Variants in VAV3 observed in about 807,000 individuals in gnomAD.
VAV3 encodes guanine nucleotide exchange factor VAV3.
In VAV3, 94 loss-of-function variants were observed where a neutral mutation model predicts 131.2. The ratio of observed to expected loss-of-function variants is 0.72; its 90% CI spans 0.61 to 0.85. The LOEUF is 0.85. VAV3 is among the 40% of genes least tolerant of loss of function. The pLI is 0.00. For synonymous variants in VAV3, 349 were observed against 342.0 expected, an observed-to-expected ratio of 1.02 and a Z score of -0.22; for missense variants, 939 against 1,002.7, an observed-to-expected ratio of 0.94 and a Z score of 0.86.
chr1:107,845,869 C>T (rs1247340280), intron 2 of VAV3, among the ~76,000 whole-genome samples: 2 of 152,142 alleles, frequency 1.3e-5, no homozygotes, highest in Non-Finnish European at 2.9e-5. Context: ...AAGTTCAAAA[C>T]CACACTTCAG....
chr1:107,922,727 C>T (rs1024801540), intron 1 of VAV3, among the ~76,000 whole-genome samples: 7 of 150,780 alleles, frequency 4.6e-5, no homozygotes, highest in African/African-American at 1.2e-4. Context: ...CAGAGGCGGG[C>T]GGATCATGAG....
intron 1 of VAV3, among the ~76,000 whole-genome samples, chr1:107,916,589 T>C (rs1672629748): frequency 6.6e-6 from 1 of 152,054 alleles, no homozygotes; most frequent in South Asian, 2.1e-4. Context: ...AGGGAAAAAA[T>C]TTTACAGGAG....
rs1384253314 is a variant in VAV3 at position 107,573,381 on chromosome 1, G to C, written c.2503-9C>G. The C allele has an allele frequency of 4.3e-6, 7 of 1,613,968 alleles. No homozygotes were observed. The East Asian group carries it at 1.1e-4, about 26-fold the overall frequency. ...GATGGAAACCAGCCCACCTAAAAAA[G>C]AAAAGCAACCAACACAGCAACATGA... On this transcript the variant is annotated splice_polypyrimidine_tract_variant and intron_variant, in intron 26 of 26. Coordinates refer to ENST00000370056, the MANE Select transcript of VAV3 (RefSeq NM_006113.5).
At chr1:107,589,819 T>C (rs917962710) in intron 25 of VAV3, among the ~76,000 whole-genome samples, 6 of 152,180 alleles carry the variant, frequency 3.9e-5, no homozygotes, top group African/African-American at 1.4e-4. Context: ...GTTAGGAACC[T>C]GTACGAAGGA....
chr1:107,716,338 C>A (rs1042141457), intron 15 of VAV3, among the ~76,000 whole-genome samples: 1 of 152,128 alleles, frequency 6.6e-6, no homozygotes, highest in Non-Finnish European at 1.5e-5. Context: ...TTTAAAAGTG[C>A]TTTGGTGGGC....
At chr1:107,902,826 A>T (rs1227298797) in intron 1 of VAV3, among the ~76,000 whole-genome samples, 4 of 152,214 alleles carry the variant, frequency 2.6e-5, no homozygotes, top group Admixed American at 6.5e-5. Flanking sequence ...CTCTTGATAT[A>T]AGGCAACTCA....
intron 17 of VAV3, among the ~76,000 whole-genome samples, chr1:107,700,378 T>C (rs764771081): frequency 5.3e-5 from 8 of 152,220 alleles, no homozygotes; most frequent in Non-Finnish European, 1.2e-4. Flanking sequence ...GCCATGGTGG[T>C]TTGCTGCACC....
intron 1 of VAV3, among the ~76,000 whole-genome samples, chr1:107,937,222 C>T (rs932401240): frequency 2.0e-5 from 3 of 152,142 alleles, no homozygotes; most frequent in African/African-American, 7.2e-5. Context: ...TATTTAAATT[C>T]AAAACACCAC....
Position 107,707,184 on chromosome 1 carries a change from A to T in VAV3, c.1503-2123T>A, listed in dbSNP as rs941871033. 2.0e-5 allele frequency among the ~76,000 whole-genome samples: 3 copies of T among 152,356 alleles called. No individual in the cohort carries two copies. In the South Asian group the frequency reaches 6.2e-4, roughly 32 times the overall value. On this transcript the variant is annotated intron_variant, in intron 15 of 26. Transcript: ENST00000370056. ...AAAGAAACTATTAGAATTATTTGAAAACTAAAATGGTAAATTATTTTTAAA... is the reference window on the plus strand; with the variant it reads ...AAAGAAACTATTAGAATTATTTGAATACTAAAATGGTAAATTATTTTTAAA...
chr1:107,714,888 T>C (rs1446239117), intron 15 of VAV3, among the ~76,000 whole-genome samples: 3 of 152,168 alleles, frequency 2.0e-5, no homozygotes, highest in Non-Finnish European at 2.9e-5. Context: ...TACTATATAT[T>C]ACACTTCTTT....
intron 2 of VAV3, among the ~76,000 whole-genome samples, chr1:107,810,815 T>C (rs1211365617): frequency 1.3e-5 from 2 of 149,622 alleles, no homozygotes; most frequent in South Asian, 2.1e-4. Flanking sequence ...AGCAGAAAAA[T>C]GGGTGAAAAA....
At chr1:107,652,483 G>C (rs780466601) in intron 19 of VAV3, among the ~76,000 whole-genome samples, 1 of 152,026 alleles carries the variant, frequency 6.6e-6, no homozygotes, top group African/African-American at 2.4e-5. Context: ...ATTAGTTCTT[G>C]TGCAAGATCC....
intron 1 of VAV3, among the ~76,000 whole-genome samples, chr1:107,904,198 CCCTT>C (rs1671997847): frequency 1.3e-5 from 2 of 152,008 alleles, no homozygotes; most frequent in South Asian, 2.1e-4. Context: ...AGAAAAGGCA[CCCTT>C]CCTTCCTTCC....
intron 15 of VAV3, among the ~76,000 whole-genome samples, chr1:107,723,066 T>C (rs571912281): frequency 5.5e-4 from 83 of 152,178 alleles, no homozygotes; most frequent in Non-Finnish European, 8.5e-4. Flanking sequence ...TATTGTGTAA[T>C]TATTTGTAAA....
intron 2 of VAV3, among the ~76,000 whole-genome samples, chr1:107,817,509 A>G (rs1016357143): frequency 2.6e-5 from 4 of 152,208 alleles, no homozygotes; most frequent in Non-Finnish European, 5.9e-5. Flanking sequence ...TCTCTGTAGC[A>G]TGAAAAGCCA....
chr1:107,802,468 A>C (rs531038597), intron 2 of VAV3, among the ~76,000 whole-genome samples: 1 of 152,156 alleles, frequency 6.6e-6, no homozygotes, highest in South Asian at 2.1e-4. Context: ...TATGCTATTG[A>C]CTATGGGTTT....
chr1:107,960,396 G>A (rs1418018864), intron 1 of VAV3, among the ~76,000 whole-genome samples: 1 of 151,980 alleles, frequency 6.6e-6, no homozygotes, highest in Non-Finnish European at 1.5e-5. Flanking sequence ...AGCCTGGGAG[G>A]CGGAGGTTGC....
At chr1:107,843,264 G>A (rs11185184) in intron 2 of VAV3, among the ~76,000 whole-genome samples, 32,899 of 151,138 alleles carry the variant, frequency 0.22, 4,863 homozygotes, top group Non-Finnish European at 0.32. Flanking sequence ...AACCTTTGGT[G>A]CTTCAGTTTT....
At chr1:107,623,097 T>A (rs899929879) in intron 20 of VAV3, among the ~76,000 whole-genome samples, 1 of 152,186 alleles carries the variant, frequency 6.6e-6, no homozygotes, top group Non-Finnish European at 1.5e-5. Context: ...ATCAGTTACA[T>A]ATACATAAGG....
Sources: gnomAD v4.1 joint callset for allele counts (sites outside exome capture counted in the v4.1 genomes callset) on GRCh38, gnomAD v4.1.1 for gene constraint, MANE v1.5 for transcripts, NCBI Gene and HGNC (gene_info 2026-07-23, HGNC 2026-07-21) for gene names.